Variants in EPHB1 observed in about 807,000 individuals in gnomAD.
EPHB1 encodes the protein ephrin type-B receptor 1.
EPHB1 carries 30 observed loss-of-function variants against 94.4 expected under a neutral mutation model. The ratio of observed to expected loss-of-function variants is 0.32; its 90% CI spans 0.24 to 0.43. The LOEUF is 0.43. Ranked by LOEUF, EPHB1 falls within the 20% of genes least tolerant of loss-of-function variation. The pLI is 1.00. For synonymous variants in EPHB1, 522 were observed against 489.1 expected (o/e 1.07, Z -0.89); for missense variants, 1,055 against 1,308.3 (o/e 0.81, Z 2.99).
intron 1 of EPHB1, among the ~76,000 whole-genome samples, chr3:134,907,335 A>ATGT (rs1289950947): frequency 6.6e-6 from 1 of 152,196 alleles, no homozygotes; most frequent in Non-Finnish European, 1.5e-5. Context: ...TAAAGTAGAT[A>ATGT]TGTGTTTTCT....
chr3:134,875,415 G>T (rs887067053), intron 1 of EPHB1, among the ~76,000 whole-genome samples: 11 of 152,176 alleles, frequency 7.2e-5, no homozygotes, highest in Admixed American at 1.3e-4. Context: ...AGTATGAGAG[G>T]TCTCAGTCCC....
chr3:135,073,827 C>T (rs1002727402), intron 3 of EPHB1, among the ~76,000 whole-genome samples: 3 of 151,884 alleles, frequency 2.0e-5, no homozygotes, highest in East Asian at 1.9e-4. Flanking sequence ...TCCTATGGAG[C>T]GTTCCATAGT....
At chr3:134,926,539 G>A (rs1238476534) in intron 2 of EPHB1, among the ~76,000 whole-genome samples, 4 of 152,198 alleles carry the variant, frequency 2.6e-5, no homozygotes, top group Non-Finnish European at 4.4e-5. Context: ...CTGGAAAGAC[G>A]TTCTAAGTAG....
At chr3:135,114,950 T>C (rs1939630266) in intron 4 of EPHB1, among the ~76,000 whole-genome samples, 1 of 152,178 alleles carries the variant, frequency 6.6e-6, no homozygotes, top group Non-Finnish European at 1.5e-5. Context: ...CTTTTAGAAG[T>C]TACTCTTGTG....
intron 3 of EPHB1, among the ~76,000 whole-genome samples, chr3:135,030,587 A>G (rs181801738): frequency 1.3e-3 from 193 of 152,312 alleles, no homozygotes; most frequent in East Asian, 0.012. Flanking sequence ...CCGTTCTCAG[A>G]TCTCCAGCTG....
At chr3:134,837,789 A>T (rs780039115) in intron 1 of EPHB1, among the ~76,000 whole-genome samples, 37 of 152,314 alleles carry the variant, frequency 2.4e-4, no homozygotes, top group Non-Finnish European at 4.1e-4. Flanking sequence ...ATTTGGTGGA[A>T]TTTTTAACAG....
chr3:135,215,174 T>G (rs1943118356), intron 12 of EPHB1, among the ~76,000 whole-genome samples: 1 of 152,130 alleles, frequency 6.6e-6, no homozygotes, highest in Non-Finnish European at 1.5e-5. Flanking sequence ...TTTTCTTTTT[T>G]TTTTTTAAGA....
chr3:135,058,784 G>A (rs973301810), intron 3 of EPHB1, among the ~76,000 whole-genome samples: 1 of 152,190 alleles, frequency 6.6e-6, no homozygotes, highest in Non-Finnish European at 1.5e-5. Context: ...CTGCAGAAAG[G>A]GATTCATGTT....
At chr3:134,855,536 C>T (rs1414819214) in intron 1 of EPHB1, among the ~76,000 whole-genome samples, 4 of 152,194 alleles carry the variant, frequency 2.6e-5, no homozygotes, top group African/African-American at 4.8e-5. Flanking sequence ...CTGATACCCA[C>T]CACTCATCTG....
At chr3:134,812,519 T>C (rs1189032833) in intron 1 of EPHB1, among the ~76,000 whole-genome samples, 1 of 152,262 alleles carries the variant, frequency 6.6e-6, no homozygotes, top group Admixed American at 6.5e-5. Context: ...TCACAGTTGG[T>C]GGACATTTGC....
chr3:134,967,856 G>C (rs1345769886), intron 3 of EPHB1, among the ~76,000 whole-genome samples: 1 of 152,208 alleles, frequency 6.6e-6, no homozygotes, highest in Non-Finnish European at 1.5e-5. Flanking sequence ...ACTGGAGTCT[G>C]TTGGAAAACA....
At chr3:135,149,094 G>A (rs1324402979) in intron 5 of EPHB1, among the ~76,000 whole-genome samples, 3 of 152,150 alleles carry the variant, frequency 2.0e-5, no homozygotes, top group Non-Finnish European at 4.4e-5. Context: ...GATTTACCGG[G>A]CACTGCCTCT....
chr3:135,068,469 G>T lies in EPHB1; in HGVS notation c.806-37979G>T, dbSNP rs527997807. On this transcript the variant is annotated intron_variant, in intron 3 of 15. Transcript: ENST00000398015. ...TTTACTGGGGCTGTTGGGATTATCT[G>T]TTCTATTTCTTTACCCATTTTTAAA... Among the ~76,000 whole-genome samples, 4 of 151,962 alleles carry T rather than the reference G, an allele frequency of 2.6e-5. No individual in the cohort carries two copies. In the South Asian group the frequency reaches 8.3e-4, roughly 32 times the overall value.
At chr3:135,240,211 C>T (rs1351333613) in intron 12 of EPHB1, among the ~76,000 whole-genome samples, 1 of 152,132 alleles carries the variant, frequency 6.6e-6, no homozygotes, top group Non-Finnish European at 1.5e-5. Flanking sequence ...TCTGTCTCCC[C>T]ACTGTCCTGT....
intron 3 of EPHB1, among the ~76,000 whole-genome samples, chr3:135,088,401 G>A (rs1021337278): frequency 4.6e-5 from 7 of 152,144 alleles, no homozygotes; most frequent in Non-Finnish European, 8.8e-5. Context: ...TAGTTTCATC[G>A]AAAAGAAATG....
chr3:135,059,623 G>A (rs1329683417), intron 3 of EPHB1, among the ~76,000 whole-genome samples: 1 of 152,202 alleles, frequency 6.6e-6, no homozygotes, highest in Non-Finnish European at 1.5e-5. Context: ...GATGGGTACA[G>A]GGTTTTTACC....
intron 5 of EPHB1, among the ~76,000 whole-genome samples, chr3:135,138,844 C>G (rs1170067735): frequency 1.3e-5 from 2 of 152,214 alleles, no homozygotes; most frequent in Non-Finnish European, 2.9e-5. Context: ...TTCTTAAGCT[C>G]TGGCATTGGG....
At chr3:134,924,022 C>T (rs2038741001) in intron 1 of EPHB1, among the ~76,000 whole-genome samples, 1 of 152,196 alleles carries the variant, frequency 6.6e-6, no homozygotes. Context: ...ACACCATCAC[C>T]TGCCCATATA....
At chr3:134,848,180 G>C (rs2036913211) in intron 1 of EPHB1, among the ~76,000 whole-genome samples, 2 of 152,110 alleles carry the variant, frequency 1.3e-5, no homozygotes, top group Non-Finnish European at 2.9e-5. Context: ...CAGGGCTGTT[G>C]AACACAGGAA....
Sources: gnomAD v4.1 joint callset for allele counts (sites outside exome capture counted in the v4.1 genomes callset) on GRCh38, gnomAD v4.1.1 for gene constraint, MANE v1.5 for transcripts, NCBI Gene and HGNC (gene_info 2026-07-23, HGNC 2026-07-21) for gene names.